ERCC6L2: variants seen among roughly 807,000 people sequenced by gnomAD.
The protein encoded by ERCC6L2 is DNA excision repair protein ERCC-6-like 2.
ERCC6L2 carries 77 observed loss-of-function variants against 132.0 expected under a neutral mutation model. The ratio of observed to expected loss-of-function variants is 0.58; its 90% CI spans 0.49 to 0.71. The LOEUF is 0.71. ERCC6L2 is among the 30% of genes least tolerant of loss of function. The pLI is 0.00. For missense variants in ERCC6L2, 1,542 were observed against 1,837.6 expected (o/e 0.84, Z 2.94); for synonymous variants, 583 against 632.4 (o/e 0.92, Z 1.17).
At chr9:96,020,097 T>A, downstream of ERCC6L2, 1 of 152,754 alleles carries the variant, frequency 6.5e-6, no homozygotes, top group Non-Finnish European at 1.5e-5. Flanking sequence ...CAGGAGAATC[T>A]CTTGAACCCG....
In ERCC6L2 at chr9:95,880,917, G is replaced by C. The variant is rs770701064; in HGVS notation, c.95G>C (p.Gly32Ala). ...ERCLAPSPDN[G>A]KLCEASIKSI... ...TGTCTTGCCCCTTCTCCAGATAATG[G>C]AAAACTTTGTGAAGCAAGCATAAAA... The change falls in exon 2 of 19, where the codon GGA becomes GCA. Residue 32 changes from glycine to alanine, a missense_variant. By Grantham distance (60) the Gly-to-Ala change is moderately conservative. Transcript: ENST00000653738. The C allele has an allele frequency of 1.2e-6, 2 of 1,613,586 alleles. No homozygotes were observed. The highest frequency in any genetic ancestry group is 2.2e-5 in the South Asian group (2 of 90,994).
intron 17 of ERCC6L2, among the ~76,000 whole-genome samples, chr9:95,998,273 A>G (rs931655011): frequency 1.3e-5 from 2 of 152,186 alleles, no homozygotes; most frequent in Non-Finnish European, 2.9e-5. Flanking sequence ...ACCCAGGTTA[A>G]GACCCCCACT....
intron 4 of ERCC6L2, among the ~76,000 whole-genome samples, chr9:95,914,319 A>G (rs143219093): frequency 6.6e-6 from 1 of 152,150 alleles, no homozygotes; most frequent in East Asian, 1.9e-4. Context: ...TCTTTTGCTC[A>G]TGTTTTAATT....
At chr9:95,883,433 G>T (rs1048955541) in intron 2 of ERCC6L2, among the ~76,000 whole-genome samples, 7 of 152,308 alleles carry the variant, frequency 4.6e-5, no homozygotes, top group Non-Finnish European at 7.4e-5. Flanking sequence ...GATTACAGAT[G>T]AGTACTAGAG....
intron 2 of ERCC6L2, among the ~76,000 whole-genome samples, chr9:95,891,276 A>G (rs1412323562): frequency 1.3e-5 from 2 of 152,196 alleles, no homozygotes; most frequent in Non-Finnish European, 2.9e-5. Context: ...CTTTACGTAC[A>G]TACTTTTTAA....
At chr9:95,907,454 C>T (rs532035499) in intron 4 of ERCC6L2, among the ~76,000 whole-genome samples, 183 bp downstream of exon 4, 15 of 151,706 alleles carry the variant, frequency 9.9e-5, no homozygotes, top group Non-Finnish European at 1.9e-4. Flanking sequence ...ATCCACCCAC[C>T]TCAGCCTTCC....
At chr9:95,987,049 A>G (rs1833124025) in intron 17 of ERCC6L2, among the ~76,000 whole-genome samples, 1 of 152,156 alleles carries the variant, frequency 6.6e-6, no homozygotes, top group African/African-American at 2.4e-5. Flanking sequence ...ATTCACTACC[A>G]CGAGAACAGT....
intron 2 of ERCC6L2, among the ~76,000 whole-genome samples, chr9:95,881,585 G>C (rs1025738891): frequency 4.6e-5 from 7 of 152,162 alleles, no homozygotes; most frequent in African/African-American, 1.7e-4. Context: ...TATATTTGAA[G>C]TCATTTAACT....
At chr9:95,962,389 C>T (rs963150) in intron 13 of ERCC6L2, among the ~76,000 whole-genome samples, 45,466 of 151,824 alleles carry the variant, frequency 0.3, 7,085 homozygotes, top group East Asian at 0.39. Flanking sequence ...CTCTCACATA[C>T]GCACAGTGAA....
chr9:95,890,907 G>A (rs1289502461), intron 2 of ERCC6L2, among the ~76,000 whole-genome samples: 2 of 152,144 alleles, frequency 1.3e-5, no homozygotes, highest in African/African-American at 2.4e-5. Context: ...GAGCTTGCCC[G>A]CTTCTGCCTC....
chr9:95,986,439 C>T (rs1043544691), intron 17 of ERCC6L2, among the ~76,000 whole-genome samples: 23 of 151,516 alleles, frequency 1.5e-4, no homozygotes, highest in African/African-American at 5.6e-4. Flanking sequence ...GAACTCATTT[C>T]CTCACACAGA....
chr9:96,008,475 G>A (rs1004563747), intron 18 of ERCC6L2, among the ~76,000 whole-genome samples: 1 of 152,132 alleles, frequency 6.6e-6, no homozygotes, highest in African/African-American at 2.4e-5. Context: ...CTTTGCAGGT[G>A]TTAATTCTTT....
intron 16 of ERCC6L2, among the ~76,000 whole-genome samples, chr9:95,977,214 A>C (rs1355449925): frequency 2.0e-5 from 3 of 152,218 alleles, no homozygotes; most frequent in South Asian, 4.1e-4. Context: ...ACTGTGTGCC[A>C]TGTATAGTAC....
At chr9:96,005,056 G>A (rs1222357672) in intron 18 of ERCC6L2, among the ~76,000 whole-genome samples, 3 of 152,240 alleles carry the variant, frequency 2.0e-5, no homozygotes, top group African/African-American at 7.2e-5. Context: ...GCTCATGCTT[G>A]TAATCTCAGC....
At chr9:96,024,521 C>G (rs1217192616) in intron 19 of ERCC6L2, among the ~76,000 whole-genome samples, 1 of 152,254 alleles carries the variant, frequency 6.6e-6, no homozygotes, top group Non-Finnish European at 1.5e-5. Context: ...CCAGCGGTCT[C>G]TTTCTAGTTT....
At chr9:96,009,850 C>G (rs991175215) in intron 18 of ERCC6L2, among the ~76,000 whole-genome samples, 1 of 152,214 alleles carries the variant, frequency 6.6e-6, no homozygotes, top group Non-Finnish European at 1.5e-5. Context: ...AGCAGCTCTC[C>G]TCCCAGAGGT....
rs903355492 is a variant in ERCC6L2, at chr9:95,985,076, C to T, written c.3492+6861C>T. Among the ~76,000 whole-genome samples, 9 of 152,166 alleles carry T rather than the reference C, an allele frequency of 5.9e-5. No individual in the cohort carries two copies. The South Asian group carries it at 1.5e-3, about 25-fold the overall frequency. ...CTCCAATTTGACCCAATTCAAGTTC[C>T]GTTTTTTCCACAAAGCCTCAGTCTT... On this transcript the variant is annotated intron_variant, in intron 17 of 18. Transcript: ENST00000653738.
chr9:95,980,564 T>C (rs2133117455), intron 17 of ERCC6L2, among the ~76,000 whole-genome samples: 1 of 152,266 alleles, frequency 6.6e-6, no homozygotes, highest in Middle Eastern at 3.4e-3. Context: ...GAGAAAAAAG[T>C]GTTCCCAATC....
intron 4 of ERCC6L2, among the ~76,000 whole-genome samples, chr9:95,907,857 C>CAAACACACACACACACACACACACACA: frequency 2.7e-4 from 36 of 133,736 alleles, no homozygotes; most frequent in Admixed American, 8.5e-4. Flanking sequence ...ACACACACAC[C>CAAACACACACACACACACACACACACA]CCCACACCCA....
Sources: gnomAD v4.1 joint callset for allele counts (sites outside exome capture counted in the v4.1 genomes callset) on GRCh38, gnomAD v4.1.1 for gene constraint, MANE v1.5 for transcripts, NCBI Gene and HGNC (gene_info 2026-07-23, HGNC 2026-07-21) for gene names.